Variants in TSFM observed in about 807,000 individuals in gnomAD.
The protein encoded by TSFM is Ts translation elongation factor, mitochondrial.
TSFM carries 29 observed loss-of-function variants against 33.4 expected under a neutral mutation model. That is an observed-to-expected ratio of 0.87 (90% CI 0.65 to 1.18). The LOEUF is 1.18. Among genes scored for constraint, TSFM ranks in the 50% most tolerant of loss-of-function variants. The pLI, the probability that TSFM is intolerant of heterozygous loss-of-function variation, is 0.00. For missense variants in TSFM, 394 were observed against 395.6 expected, an observed-to-expected ratio of 1.00 and a Z score of 0.04; for synonymous variants, 178 against 163.5, an observed-to-expected ratio of 1.09 and a Z score of -0.68.
In TSFM at chr12:57,793,078, G is replaced by A. The variant is rs1425153250; in HGVS notation, c.571+5G>A. ...ATCAGTTGGCTTTAGCAATTGGTGA[G>A]TATTTGTAAAGGTTCTGGAAACTGG... On this transcript the variant is annotated splice_donor_5th_base_variant and intron_variant, in intron 5 of 5. Coordinates refer to ENST00000652027, the MANE Select transcript of TSFM (RefSeq NM_005726.6). 1 of 1,611,872 alleles carries A rather than the reference G, an allele frequency of 6.2e-7. No homozygotes were observed.
At chr12:57,783,577 C>CA (rs1322827832) in intron 2 of TSFM, 2 of 633,346 alleles carry the variant, frequency 3.2e-6, no homozygotes, top group South Asian at 3.0e-5. Context: ...GTGGGGCCCC[C>CA]ACACTGTCTG....
At chr12:57,785,589 A>G (rs1955580327) in intron 2 of TSFM, among the ~76,000 whole-genome samples, 1 of 152,142 alleles carries the variant, frequency 6.6e-6, no homozygotes, top group African/African-American at 2.4e-5. Context: ...CAGCCACCCG[A>G]GTAGTTTATA....
intron 4 of TSFM, among the ~76,000 whole-genome samples, chr12:57,789,802 C>T (rs187041835): frequency 1.8e-4 from 27 of 152,308 alleles, no homozygotes; most frequent in African/African-American, 5.3e-4. Flanking sequence ...ACTCATTATT[C>T]GTTTTGATGC....
intron 4 of TSFM, 38 bp downstream of exon 4, chr12:57,787,200 T>C: frequency 6.5e-7 from 1 of 1,540,962 alleles, no homozygotes; most frequent in Non-Finnish European, 8.8e-7. Flanking sequence ...CTGAATTTGC[T>C]GTCCTCATTG....
At chr12:57,783,446 C>G (rs1166653149) in intron 2 of TSFM, among the ~76,000 whole-genome samples, 163 bp downstream of exon 2, 1 of 152,224 alleles carries the variant, frequency 6.6e-6, no homozygotes, top group Non-Finnish European at 1.5e-5. Context: ...TTGACTTTGT[C>G]TTATTTGAAA....
Position 57,796,198 on chromosome 12 carries a change from T to C in TSFM, c.593T>C (p.Ile198Thr). The C allele has an allele frequency of 6.3e-7, 1 of 1,581,726 alleles. No individual in the cohort carries two copies. Among genetic ancestry groups the C allele is most frequent in the Non-Finnish European group, 8.6e-7 (1 of 1,163,914 alleles). The change falls in exon 6 of 6, where the codon ATT becomes ACT. Residue 198 changes from isoleucine to threonine, a missense_variant. Ile to Thr is a moderately conservative substitution (Grantham distance 89). Around this residue, in one of 3 missense-constraint regions of TSFM, gnomAD observed 186 missense variants for 198.8 expected, o/e 0.94. Coordinates refer to ENST00000652027, the MANE Select transcript of TSFM (RefSeq NM_005726.6). ...ATAGGAAAACTGGGAGAAAACATGATTCTTAAACGAGCTGCATGGGTGAAG... is the reference window on the plus strand; with the variant it reads ...ATAGGAAAACTGGGAGAAAACATGACTCTTAAACGAGCTGCATGGGTGAAG... ...LAIGKLGENM[I>T]LKRAAWVKVP...
chr12:57,783,615 A>T (rs1431439612), intron 2 of TSFM: 1 of 559,268 alleles, frequency 1.8e-6, no homozygotes, highest in East Asian at 4.7e-5. Flanking sequence ...TTTTTTTCAG[A>T]CGGAGTCTTG....
At chr12:57,794,078 A>G (rs778615074) in intron 5 of TSFM, among the ~76,000 whole-genome samples, 8 of 152,186 alleles carry the variant, frequency 5.3e-5, no homozygotes, top group Admixed American at 2.6e-4. Context: ...TCAAGGCATC[A>G]GTTCCGTTTT....
In TSFM at chr12:57,783,114, G is replaced by C. The variant is rs199884342; in HGVS notation, c.62G>C (p.Gly21Ala). Reference sequence around the variant, plus strand: ...TCCCTTTCTTATCTCATCTAGGCTGGGTCTCTTCTGCGTCAGTCGCCCCAG... The same window carrying C: ...TCCCTTTCTTATCTCATCTAGGCTGCGTCTCTTCTGCGTCAGTCGCCCCAG... ...LVARTGSYPA[G>A]SLLRQSPQPR... Residue 21 changes from glycine (G) to alanine (A), a missense_variant, in exon 2 of 6, where the codon GGG (glycine) becomes GCG (alanine). Around this residue, in one of 3 missense-constraint regions of TSFM, gnomAD observed 208 missense variants for 180.4 expected, o/e 1.15. Transcript: ENST00000652027. 12 of 1,609,444 alleles carry C rather than the reference G, an allele frequency of 7.5e-6. No individual in the cohort carries two copies. The Admixed American group carries it at 2.0e-4, about 27-fold the overall frequency.
downstream of TSFM, among the ~76,000 whole-genome samples, chr12:57,798,674 T>G (rs947182933): frequency 6.6e-6 from 1 of 151,720 alleles, no homozygotes; most frequent in African/African-American, 2.4e-5. Context: ...TGGAGTACAG[T>G]GGCACAATCT....
At chr12:57,784,916 CTTTTTTTTT>C (rs1164168295) in intron 2 of TSFM, among the ~76,000 whole-genome samples, 31 of 79,140 alleles carry the variant, frequency 3.9e-4, no homozygotes, top group African/African-American at 1.3e-3. Flanking sequence ...ATTGAAATAT[CTTTTTTTTT>C]TTTTTTTTTT....
chr12:57,783,049 T>G, intron 1 of TSFM, 61 bp from the exon 2 acceptor site: 1 of 1,562,566 alleles, frequency 6.4e-7, no homozygotes. Flanking sequence ...CCTGCCCGTG[T>G]ACCCTTCACC....
At chr12:57,802,337 C>A (rs932527653), downstream of TSFM, 5 of 1,611,586 alleles carry the variant, frequency 3.1e-6, no homozygotes, top group African/African-American at 4.0e-5. Context: ...CAGCCCCAAT[C>A]CACAAGAACA....
Position 57,782,789 on chromosome 12 carries a change from C to A in TSFM, c.-13C>A, listed in dbSNP as rs777527188. On this transcript the variant is annotated 5_prime_UTR_variant, in exon 1 of 6. Coordinates refer to ENST00000652027, the MANE Select transcript of TSFM (RefSeq NM_005726.6). Reference sequence around the variant, plus strand: ...AGTGCGCCCGCCGGAGGGTGTTTATCGCGGCTAGAGAGATGTCGCTGCTGC... The same window carrying A: ...AGTGCGCCCGCCGGAGGGTGTTTATAGCGGCTAGAGAGATGTCGCTGCTGC... The A allele has an allele frequency of 1.9e-6, 3 of 1,584,798 alleles. No homozygotes were observed. The highest frequency in any genetic ancestry group is 3.6e-5 in the Admixed American group (2 of 55,518).
chr12:57,789,345 A>G (rs1301932875), intron 4 of TSFM, among the ~76,000 whole-genome samples: 1 of 152,176 alleles, frequency 6.6e-6, no homozygotes, highest in Non-Finnish European at 1.5e-5. Context: ...GTATCTCGTA[A>G]AAACAAGGAC....
chr12:57,787,927 AAGAG>A (rs201901424), intron 4 of TSFM, among the ~76,000 whole-genome samples: 16 of 152,164 alleles, frequency 1.1e-4, no homozygotes, highest in East Asian at 3.9e-4. Context: ...GAAAAAAAAA[AAGAG>A]AGAGAGATTG....
intron 5 of TSFM, among the ~76,000 whole-genome samples, 151 bp downstream of exon 5, chr12:57,793,224 A>G (rs541130354): frequency 1.3e-5 from 2 of 152,082 alleles, no homozygotes; most frequent in South Asian, 4.2e-4. Flanking sequence ...GTTAGGGAAC[A>G]TTAGGCATCT....
chr12:57,796,536 G>T lies in TSFM; in HGVS notation c.931G>T (p.Val311Leu). 1.4e-6 allele frequency: 2 copies of T among 1,474,670 alleles called. No individual in the cohort carries two copies. Among genetic ancestry groups the T allele is most frequent in the African/African-American group, 2.8e-5 (2 of 71,390 alleles). The allele number at this position is 1,474,670 out of a possible 1,614,324, so 91.3% of individuals were successfully genotyped here. ...TCAGGGGGTGTCGGTAGTAGACTTTGTGCGGTTTGAATGTGGAGAAGGTGA... is the reference window on the plus strand; with the variant it reads ...TCAGGGGGTGTCGGTAGTAGACTTTTTGCGGTTTGAATGTGGAGAAGGTGA... Reference protein sequence around the residue: ...QPQGVSVVDFVRFECGEGEEA... With the variant: ...QPQGVSVVDFLRFECGEGEEA... The change falls in exon 6 of 6, where the codon GTG becomes TTG. Residue 311 changes from valine (V) to leucine (L), a missense_variant. By Grantham distance (32) the Val-to-Leu change is conservative. Transcript: ENST00000652027.
intron 4 of TSFM, among the ~76,000 whole-genome samples, chr12:57,791,066 A>G (rs1032042018): frequency 2.6e-5 from 4 of 151,208 alleles, no homozygotes; most frequent in Admixed American, 6.6e-5. Flanking sequence ...CTGGAGTGCA[A>G]TGGCATGATC....
Sources: gnomAD v4.1 joint callset for allele counts (sites outside exome capture counted in the v4.1 genomes callset) on GRCh38, gnomAD v4.1.1 for gene constraint, gnomAD v4.1.1 regional missense constraint, MANE v1.5 for transcripts, NCBI Gene and HGNC (gene_info 2026-07-23, HGNC 2026-07-21) for gene names.